DLEU7: variants seen among roughly 807,000 people sequenced by gnomAD.
DLEU7 encodes the protein leukemia-associated protein 7.
In DLEU7, 17 loss-of-function variants were observed where a neutral mutation model predicts 16.0. The observed-to-expected ratio is 1.06, with a 90% CI of 0.73 to 1.59. DLEU7 has a LOEUF of 1.59. DLEU7 is among the 40% of genes most tolerant of loss of function. DLEU7 has a pLI of 0.00. For missense variants in DLEU7, 308 were observed against 314.9 expected, an observed-to-expected ratio of 0.98 and a Z score of 0.17; for synonymous variants, 113 against 139.8, an observed-to-expected ratio of 0.81 and a Z score of 1.35.
At chr13:50,753,815 G>C (rs1382636878) in intron 1 of DLEU7, among the ~76,000 whole-genome samples, 1 of 152,236 alleles carries the variant, frequency 6.6e-6, no homozygotes, top group South Asian at 2.1e-4. Context: ...CCAGGCAGAG[G>C]TGCCAAGAGC....
chr13:50,744,821 A>T (rs181399798), intron 1 of DLEU7, among the ~76,000 whole-genome samples: 96 of 152,328 alleles, frequency 6.3e-4, no homozygotes, highest in African/African-American at 2.2e-3. Flanking sequence ...ATAAAAAGAT[A>T]CTCAGCATCA....
chr13:50,737,999 A>G (rs1874127365), intron 1 of DLEU7, among the ~76,000 whole-genome samples: 1 of 152,174 alleles, frequency 6.6e-6, no homozygotes, highest in Non-Finnish European at 1.5e-5. Flanking sequence ...CACACGAATG[A>G]TAAGAAAGTG....
chr13:50,733,354 A>C (rs1788196448), intron 1 of DLEU7, among the ~76,000 whole-genome samples: 1 of 152,198 alleles, frequency 6.6e-6, no homozygotes, highest in Non-Finnish European at 1.5e-5. Context: ...CCCTAGATGA[A>C]TTGAATGTCC....
chr13:50,815,874 C>A (rs1876717815), intron 1 of DLEU7, among the ~76,000 whole-genome samples: 1 of 152,006 alleles, frequency 6.6e-6, no homozygotes, highest in African/African-American at 2.4e-5. Context: ...AACTACCCCA[C>A]TTTTTTATGA....
At chr13:50,781,887 A>C (rs1875657899) in intron 1 of DLEU7, among the ~76,000 whole-genome samples, 1 of 152,234 alleles carries the variant, frequency 6.6e-6, no homozygotes, top group Non-Finnish European at 1.5e-5. Flanking sequence ...GTTAGAAGTC[A>C]GAAAATCTTG....
intron 1 of DLEU7, among the ~76,000 whole-genome samples, chr13:50,767,884 C>G (rs1385067361): frequency 6.6e-6 from 1 of 152,202 alleles, no homozygotes; most frequent in African/African-American, 2.4e-5. Flanking sequence ...TAGCACTAGT[C>G]CCAGCCAATC....
At chr13:50,770,462 T>C (rs185818216) in intron 1 of DLEU7, among the ~76,000 whole-genome samples, 21 of 152,346 alleles carry the variant, frequency 1.4e-4, no homozygotes, top group African/African-American at 4.8e-4. Flanking sequence ...ACCTAGTTTA[T>C]TGAGAATTTT....
intron 1 of DLEU7, among the ~76,000 whole-genome samples, chr13:50,838,873 C>T (rs77191823): frequency 1.3e-5 from 2 of 152,278 alleles, no homozygotes; most frequent in South Asian, 2.1e-4. Flanking sequence ...GCACTGCGGA[C>T]GGGCCATGTG....
intron 1 of DLEU7, among the ~76,000 whole-genome samples, chr13:50,767,349 G>A (rs994989927): frequency 6.6e-6 from 1 of 151,820 alleles, no homozygotes; most frequent in Admixed American, 6.6e-5. Flanking sequence ...CCAGCTACGC[G>A]GGAGGCTGAG....
chr13:50,734,295 A>G (rs1433855151), intron 1 of DLEU7, among the ~76,000 whole-genome samples: 2 of 152,218 alleles, frequency 1.3e-5, no homozygotes, highest in African/African-American at 4.8e-5. Context: ...ATTAGACCTG[A>G]TAGAGAACTG....
At chr13:50,826,139 G>C (rs572463979) in intron 1 of DLEU7, among the ~76,000 whole-genome samples, 1 of 151,736 alleles carries the variant, frequency 6.6e-6, no homozygotes, top group East Asian at 1.9e-4. Flanking sequence ...ATTCACAATA[G>C]GGTTTGTGCT....
intron 1 of DLEU7, among the ~76,000 whole-genome samples, chr13:50,731,416 G>T (rs1341312481): frequency 2.6e-5 from 4 of 152,122 alleles, no homozygotes; most frequent in African/African-American, 9.7e-5. Context: ...AAGATGAGTG[G>T]ATTTATGAAT....
chr13:50,807,142 G>A (rs1004694319), intron 1 of DLEU7, among the ~76,000 whole-genome samples: 1 of 149,162 alleles, frequency 6.7e-6, no homozygotes. Context: ...AGTTTAGATT[G>A]TTATCTTTAA....
chr13:50,729,830 ATCT>A (rs1031421583), intron 1 of DLEU7, among the ~76,000 whole-genome samples: 1 of 152,100 alleles, frequency 6.6e-6, no homozygotes, highest in Non-Finnish European at 1.5e-5. Flanking sequence ...CCACGCATAC[ATCT>A]TCTTTTGAAA....
chr13:50,807,506 G>GTT (rs201915179), intron 1 of DLEU7, among the ~76,000 whole-genome samples: 1 of 144,008 alleles, frequency 6.9e-6, no homozygotes. Context: ...TTTTTTTGGT[G>GTT]TTTTTTTTTT....
intron 1 of DLEU7, among the ~76,000 whole-genome samples, chr13:50,804,137 T>G (rs1330591114): frequency 6.6e-6 from 1 of 152,126 alleles, no homozygotes; most frequent in African/African-American, 2.4e-5. Flanking sequence ...TATTTTAATG[T>G]CAGGTAGGGC....
Position 50,740,229 on chromosome 13 carries a change from C to T in DLEU7, c.460-26989G>A, listed in dbSNP as rs191488499. Among the ~76,000 whole-genome samples the T allele has an allele frequency of 3.1e-3, 467 of 152,220 alleles. 1 individual carries two copies. The highest frequency in any genetic ancestry group is 8.6e-3 in the African/African-American group (359 of 41,542). On this transcript the variant is annotated intron_variant, in intron 1 of 1. Transcript: ENST00000400393. ...AATGGGAAAAGGATGAAAACTGAAA[C>T]GGTATGCACAACAACCTCAAACCAT...
At chr13:50,831,049 C>A (rs1218168193) in intron 1 of DLEU7, among the ~76,000 whole-genome samples, 1 of 138,926 alleles carries the variant, frequency 7.2e-6, no homozygotes, top group Admixed American at 7.6e-5. Flanking sequence ...TTAAGTGGTC[C>A]TTTACATTAA....
At chr13:50,712,003 C>T (rs1391562335) in exon 2 of DLEU7, 1 of 151,804 alleles carries the variant, frequency 6.6e-6, no homozygotes, top group African/African-American at 2.4e-5. Flanking sequence ...CTCTTTGAAT[C>T]GTAATTCCAG....
Sources: gnomAD v4.1 joint callset for allele counts (sites outside exome capture counted in the v4.1 genomes callset) on GRCh38, gnomAD v4.1.1 for gene constraint, MANE v1.5 for transcripts, NCBI Gene and HGNC (gene_info 2026-07-23, HGNC 2026-07-21) for gene names.